SMIM13: variants seen among roughly 807,000 people sequenced by gnomAD.
SMIM13 encodes small integral membrane protein 13, also known as UPF0766 protein C6orf228.
Under a neutral mutation model 5.9 loss-of-function variants are expected in SMIM13, and 3 were observed. That is an observed-to-expected ratio of 0.51 (90% CI 0.23 to 1.31). The LOEUF is 1.31. Among genes scored for constraint, SMIM13 ranks in the 40% most tolerant of loss-of-function variants. The probability of loss-of-function intolerance (pLI) is 0.18; values close to 1 mark genes in which losing one functional copy is unlikely to be tolerated. For synonymous variants in SMIM13, 55 were observed against 46.0 expected, an observed-to-expected ratio of 1.19 and a Z score of -0.79; for missense variants, 85 against 109.9, an observed-to-expected ratio of 0.77 and a Z score of 1.01.
rs181800592 is a variant in SMIM13, at chr6:11,116,202, A to T, written c.77-18201A>T. Reference sequence around the variant, plus strand: ...ACAGCTAATTTTTGTATTTTTTGCTAGAGATGGGGTTTCCCCATGTTGGCC... The same window carrying T: ...ACAGCTAATTTTTGTATTTTTTGCTTGAGATGGGGTTTCCCCATGTTGGCC... On this transcript the variant is annotated intron_variant, in intron 1 of 1. Coordinates refer to ENST00000416247, the MANE Select transcript of SMIM13 (RefSeq NM_001135575.2). Among the ~76,000 whole-genome samples the T allele has an allele frequency of 1.5e-3, 235 of 152,014 alleles. 2 individuals carry two copies. Among genetic ancestry groups the T allele is most frequent in the Non-Finnish European group, 2.7e-3 (182 of 67,960 alleles).
intron 1 of SMIM13, among the ~76,000 whole-genome samples, chr6:11,114,683 C>T (rs1472553222): frequency 1.4e-5 from 2 of 147,450 alleles, no homozygotes. Context: ...ACTGCACCCT[C>T]CTCCTCCCAG....
chr6:11,109,015 T>G (rs1298327159), intron 1 of SMIM13, among the ~76,000 whole-genome samples: 1 of 152,236 alleles, frequency 6.6e-6, no homozygotes, highest in African/African-American at 2.4e-5. Flanking sequence ...ATGTGGGTCC[T>G]TGCTCATGTA....
chr6:11,125,876 G>A (rs941739787), intron 1 of SMIM13, among the ~76,000 whole-genome samples: 4 of 151,934 alleles, frequency 2.6e-5, no homozygotes, highest in Admixed American at 6.6e-5. Flanking sequence ...TTTTCTCTAC[G>A]TTTGAGAAAT....
At chr6:11,129,034 T>C (rs956012345) in intron 1 of SMIM13, among the ~76,000 whole-genome samples, 3 of 151,904 alleles carry the variant, frequency 2.0e-5, no homozygotes, top group South Asian at 2.1e-4. Flanking sequence ...ATGGAGGTGC[T>C]TTTTTGTGTG....
intron 1 of SMIM13, among the ~76,000 whole-genome samples, chr6:11,109,722 GC>G (rs1332396771): frequency 1.3e-5 from 2 of 152,068 alleles, no homozygotes; most frequent in Non-Finnish European, 2.9e-5. Flanking sequence ...TTCAACCCAG[GC>G]TGTATTACAG....
intron 1 of SMIM13, chr6:11,105,049 G>T (rs1250840939): frequency 1.9e-6 from 3 of 1,614,156 alleles, no homozygotes; most frequent in Middle Eastern, 1.6e-4. Context: ...CTATTTGCAG[G>T]CCTCATCAGT....
At chr6:11,098,743 T>C (rs1486579933) in intron 1 of SMIM13, among the ~76,000 whole-genome samples, 1 of 152,188 alleles carries the variant, frequency 6.6e-6, no homozygotes, top group Non-Finnish European at 1.5e-5. Flanking sequence ...CATTCAACAT[T>C]TCTTTGGCTT....
In SMIM13 at chr6:11,136,550, G is replaced by A. The variant is rs1477068771; in HGVS notation, c.*1948G>A. ...TTTTGTTTAACAGTTCACTGGCTCT[G>A]TCCCAATGTTTGTGATGAACACCTT... On this transcript the variant is annotated 3_prime_UTR_variant, in exon 2 of 2. Coordinates refer to ENST00000416247, the MANE Select transcript of SMIM13 (RefSeq NM_001135575.2). The A allele has an allele frequency of 6.6e-6, 1 of 152,054 alleles. No individual in the cohort carries two copies. Among genetic ancestry groups the A allele is most frequent in the Admixed American group, 6.6e-5 (1 of 15,256 alleles). The allele number at this position is 152,054 out of a possible 1,614,324, so 9.4% of individuals were successfully genotyped here.
chr6:11,135,475 A>G lies in SMIM13; in HGVS notation c.*873A>G, dbSNP rs1347585523. ...CACAAGAGGCTGGTGTGACCGATTC[A>G]TGCGTCGAGCAGGACTATCATTAAG... On this transcript the variant is annotated 3_prime_UTR_variant, in exon 2 of 2. Transcript: ENST00000416247. 1 of 152,628 alleles carries G rather than the reference A, an allele frequency of 6.6e-6. No individual in the cohort carries two copies. Among genetic ancestry groups the G allele is most frequent in the Non-Finnish European group, 1.5e-5 (1 of 68,028 alleles). 9.5% of individuals were successfully genotyped at this position (152,628 alleles called of 1,614,324 possible). A position where few individuals can be genotyped will look rare whatever the true frequency, so the allele number is the denominator to read the frequency against.
chr6:11,110,666 A>G (rs1317856781), intron 1 of SMIM13, among the ~76,000 whole-genome samples: 2 of 152,214 alleles, frequency 1.3e-5, no homozygotes, highest in Non-Finnish European at 2.9e-5. Flanking sequence ...TCCCTCTGCT[A>G]CAGGAGAAAG....
rs1758503431 is a variant in SMIM13 at position 11,135,177 on chromosome 6, G to A, written c.*575G>A. The A allele has an allele frequency of 6.6e-6, 1 of 152,560 alleles. No individual in the cohort carries two copies. The highest frequency in any genetic ancestry group is 2.4e-5 in the African/African-American group (1 of 41,392). The allele number at this position is 152,560 out of a possible 1,614,324, so 9.5% of individuals were successfully genotyped here. On this transcript the variant is annotated 3_prime_UTR_variant, in exon 2 of 2. Coordinates refer to ENST00000416247, the MANE Select transcript of SMIM13 (RefSeq NM_001135575.2). Reference sequence around the variant, plus strand: ...GAAAAGTTATTGTGTATGCAGAAAAGCATGGAAACAGAGCAGCAGGGCGTA... The same window carrying A: ...GAAAAGTTATTGTGTATGCAGAAAAACATGGAAACAGAGCAGCAGGGCGTA...
intron 1 of SMIM13, chr6:11,103,949 TTGTCTGA>T: frequency 6.4e-7 from 1 of 1,551,416 alleles, no homozygotes; most frequent in Middle Eastern, 1.7e-4. Context: ...GATTTAGGAG[TTGTCTGA>T]TGTTGTCTTG....
intron 1 of SMIM13, among the ~76,000 whole-genome samples, chr6:11,095,332 A>C (rs987936143): frequency 1.3e-4 from 20 of 152,292 alleles, no homozygotes; most frequent in African/African-American, 4.8e-4. Flanking sequence ...ATGTATTTAT[A>C]AACTTATATG....
rs141726128 is a variant in SMIM13 at position 11,105,175 on chromosome 6, A to C, written c.76+10786A>C. 6 of 1,614,088 alleles carry C rather than the reference A, an allele frequency of 3.7e-6. No individual in the cohort carries two copies. In the East Asian group the frequency reaches 8.9e-5, roughly 24 times the overall value. ...GGTGTTTCAGTGGAAGAGCTAGTAC[A>C]TAACCAGCAATTGGTGGAGTAAGGG... On this transcript the variant is annotated intron_variant, in intron 1 of 1. Coordinates refer to ENST00000416247, the MANE Select transcript of SMIM13 (RefSeq NM_001135575.2).
intron 1 of SMIM13, among the ~76,000 whole-genome samples, chr6:11,122,924 G>A (rs1358216695): frequency 1.3e-5 from 2 of 151,966 alleles, no homozygotes; most frequent in Non-Finnish European, 2.9e-5. Flanking sequence ...AAACACCCAT[G>A]TCAGCTGGGA....
At chr6:11,120,259 G>A (rs1234252024) in intron 1 of SMIM13, among the ~76,000 whole-genome samples, 1 of 152,158 alleles carries the variant, frequency 6.6e-6, no homozygotes, top group African/African-American at 2.4e-5. Context: ...ATCGGTTTGG[G>A]CTGCTGTAAC....
intron 1 of SMIM13, among the ~76,000 whole-genome samples, chr6:11,132,031 C>G (rs918008092): frequency 3.9e-5 from 6 of 152,064 alleles, no homozygotes; most frequent in Non-Finnish European, 7.4e-5. Context: ...ACCTGATAAG[C>G]ATCTAATAGC....
intron 1 of SMIM13, among the ~76,000 whole-genome samples, chr6:11,133,800 T>C (rs1000332550): frequency 6.6e-5 from 10 of 151,830 alleles, no homozygotes; most frequent in African/African-American, 2.2e-4. Context: ...TGTGAAAATA[T>C]CGTATTTTAA....
intron 1 of SMIM13, among the ~76,000 whole-genome samples, chr6:11,100,037 G>T (rs1465457766): frequency 6.6e-6 from 1 of 151,776 alleles, no homozygotes; most frequent in East Asian, 1.9e-4. Context: ...TATTACTTTG[G>T]TACATTGTTT....
Sources: gnomAD v4.1 joint callset for allele counts (sites outside exome capture counted in the v4.1 genomes callset) on GRCh38, gnomAD v4.1.1 for gene constraint, MANE v1.5 for transcripts, NCBI Gene and HGNC (gene_info 2026-07-23, HGNC 2026-07-21) for gene names.